Variants in RELN observed in about 807,000 individuals in gnomAD.
The protein encoded by RELN is reelin.
In RELN, 108 loss-of-function variants were observed where a neutral mutation model predicts 427.6. That is an observed-to-expected ratio of 0.25 (90% CI 0.22 to 0.30). The LOEUF (loss-of-function observed/expected upper bound fraction) is 0.30. Ranked by LOEUF, RELN falls within the 10% of genes least tolerant of loss-of-function variation. RELN has a pLI of 1.00. For missense variants in RELN, 3,715 were observed against 4,302.8 expected, an observed-to-expected ratio of 0.86 and a Z score of 3.82; for synonymous variants, 1,524 against 1,513.4, an observed-to-expected ratio of 1.01 and a Z score of -0.16.
chr7:103,878,761 C>A (rs1794541624), intron 2 of RELN, among the ~76,000 whole-genome samples: 1 of 152,182 alleles, frequency 6.6e-6, no homozygotes, highest in South Asian at 2.1e-4. Flanking sequence ...TCCTTGTCTT[C>A]AAGTAGATTC....
chr7:103,813,553 A>G (rs1430825254), intron 3 of RELN, among the ~76,000 whole-genome samples: 1 of 152,080 alleles, frequency 6.6e-6, no homozygotes, highest in African/African-American at 2.4e-5. Context: ...TAGAATATTT[A>G]TAATTTTTGT....
intron 1 of RELN, among the ~76,000 whole-genome samples, chr7:103,962,844 C>T (rs906526170): frequency 7.2e-5 from 11 of 152,092 alleles, no homozygotes; most frequent in Admixed American, 2.6e-4. Flanking sequence ...ATTAAGAAAA[C>T]TATTATGAGT....
At chr7:103,675,069 T>C (rs1385104982) in intron 11 of RELN, among the ~76,000 whole-genome samples, 2 of 152,302 alleles carry the variant, frequency 1.3e-5, no homozygotes, top group Admixed American at 1.3e-4. Context: ...ATAAAGTGTA[T>C]TCAACTAGGA....
intron 2 of RELN, among the ~76,000 whole-genome samples, chr7:103,872,782 A>T (rs559621603): frequency 4.0e-5 from 6 of 149,186 alleles, no homozygotes; most frequent in Middle Eastern, 3.4e-3. Context: ...GGTATCTCAT[A>T]GTGGTTTTGA....
rs763643417 is a variant in RELN, at chr7:103,551,056, C to T, written c.6302+11G>A. 2.2e-5 allele frequency: 36 copies of T among 1,602,894 alleles called. No individual in the cohort carries two copies. The highest frequency in any genetic ancestry group is 8.3e-5 in the Admixed American group (5 of 59,918). On this transcript the variant is annotated intron_variant, in intron 41 of 64. Transcript: ENST00000428762. ...GAGAAACAAATGTGGCGTCAAGCAG[C>T]GGGTCCTTACCCACAAAGGTGCAGC... is the stretch of plus-strand genomic sequence containing the variant.
chr7:103,708,988 T>G (rs1684842259), intron 8 of RELN, among the ~76,000 whole-genome samples: 1 of 152,146 alleles, frequency 6.6e-6, no homozygotes, highest in Non-Finnish European at 1.5e-5. Flanking sequence ...AGATTTTGTT[T>G]CACAAATTCT....
chr7:103,872,885 T>A (rs941166992), intron 2 of RELN, among the ~76,000 whole-genome samples: 6 of 151,578 alleles, frequency 4.0e-5, no homozygotes, highest in Non-Finnish European at 7.4e-5. Context: ...TCTGTTCATG[T>A]CCTTCGCCCA....
chr7:103,929,912 C>A (rs571058966), intron 1 of RELN, among the ~76,000 whole-genome samples: 1 of 152,196 alleles, frequency 6.6e-6, no homozygotes, highest in Non-Finnish European at 1.5e-5. Context: ...CAAAGTGCCA[C>A]AAGTGTTGAT....
chr7:103,538,283 A>G (rs547257701), intron 45 of RELN, among the ~76,000 whole-genome samples: 1 of 152,184 alleles, frequency 6.6e-6, no homozygotes, highest in East Asian at 1.9e-4. Flanking sequence ...TCTAAAACTG[A>G]ACGGGGACCT....
chr7:103,522,056 G>T lies in RELN; in HGVS notation c.7634C>A (p.Ala2545Asp). The part of the protein sequence containing the change: ...NGGKLSTVCG[A>D]VASGMALHFS... ...ATGGAGAGCCATTCCCGACGCCACG[G>T]CTCCACACACTGTACTCAATTTCCC... is the stretch of plus-strand genomic sequence containing the variant. Residue 2545 changes from alanine to aspartate, a missense_variant, in exon 48 of 65, where the codon GCC (alanine) becomes GAC (aspartate). Physicochemically the swap from Ala to Asp is moderately radical, Grantham distance 126. Around this residue, in one of 4 missense-constraint regions of RELN, gnomAD observed 1,310 missense variants for 1,643.0 expected, o/e 0.80. Transcript: ENST00000428762. 1 of 1,614,048 alleles carries T rather than the reference G, an allele frequency of 6.2e-7. No homozygotes were observed.
At chr7:103,724,378 G>A (rs1790152745) in intron 7 of RELN, among the ~76,000 whole-genome samples, 1 of 152,104 alleles carries the variant, frequency 6.6e-6, no homozygotes, top group Admixed American at 6.6e-5. Flanking sequence ...TGCTCTGTCG[G>A]AATTCAGTTG....
At chr7:103,951,724 G>C (rs1394120680) in intron 1 of RELN, among the ~76,000 whole-genome samples, 2 of 150,624 alleles carry the variant, frequency 1.3e-5, no homozygotes, top group Non-Finnish European at 2.9e-5. Context: ...CCAGGCTGAA[G>C]TGCAGTGGCA....
intron 5 of RELN, among the ~76,000 whole-genome samples, chr7:103,751,167 T>C (rs1227796052): frequency 1.3e-5 from 2 of 152,220 alleles, no homozygotes; most frequent in East Asian, 1.9e-4. Context: ...GTCTTGACAA[T>C]TTTGTTTGAA....
At position 103,483,732 on chromosome 7, in the gene RELN, C is replaced by T. The variant is rs753769576; in HGVS notation, c.10102G>A (p.Gly3368Arg). Residue 3368 changes from glycine to arginine, a missense_variant, in exon 62 of 65, where the codon GGG becomes AGG. By Grantham distance (125) the Gly-to-Arg change is moderately radical. Coordinates refer to ENST00000428762, the MANE Select transcript of RELN (RefSeq NM_005045.4). ...AVLLQYSVNN[G>R]ITWHVIAQHQ... is the part of the protein sequence containing the mutation. ...TGGGCGATGACATGCCAGGTGATCC[C>T]GTTGTTGACGCTGTATTGCAGCAGC... 2.7e-5 allele frequency: 44 copies of T among 1,614,014 alleles called. No individual in the cohort carries two copies. Among genetic ancestry groups the T allele is most frequent in the Middle Eastern group, 1.6e-4 (1 of 6,084 alleles).
intron 18 of RELN, among the ~76,000 whole-genome samples, chr7:103,635,835 T>C (rs1221619392): frequency 6.6e-6 from 1 of 152,214 alleles, no homozygotes; most frequent in Admixed American, 6.5e-5. Flanking sequence ...TATGTACTTG[T>C]GTACATACAC....
chr7:103,549,563 T>C (rs1163929571), intron 41 of RELN, among the ~76,000 whole-genome samples: 1 of 152,244 alleles, frequency 6.6e-6, no homozygotes, highest in Non-Finnish European at 1.5e-5. Context: ...TCGACAGCTA[T>C]GCTTCTCTTG....
intron 3 of RELN, among the ~76,000 whole-genome samples, chr7:103,810,420 T>C (rs262377): frequency 0.95 from 144,138 of 152,280 alleles, 68,446 homozygotes; most frequent in South Asian, 1. Context: ...CGACCTAAAG[T>C]TAGGTCTAAT....
chr7:103,916,573 C>CATTCAAAT (rs1317599843), intron 2 of RELN, among the ~76,000 whole-genome samples: 1 of 152,162 alleles, frequency 6.6e-6, no homozygotes, highest in African/African-American at 2.4e-5. Flanking sequence ...GATTTAAGGA[C>CATTCAAAT]ATTCAAATAT....
At chr7:103,882,028 G>T (rs1017979107) in intron 2 of RELN, among the ~76,000 whole-genome samples, 8 of 152,158 alleles carry the variant, frequency 5.3e-5, no homozygotes, top group Non-Finnish European at 1.0e-4. Flanking sequence ...ACTAACCAAT[G>T]AATGAGCGAG....
Sources: allele counts gnomAD v4.1 joint callset (sites outside exome capture counted in the v4.1 genomes callset), GRCh38; gene constraint gnomAD v4.1.1; regional missense constraint gnomAD v4.1.1; transcripts MANE v1.5; gene names NCBI Gene and HGNC (gene_info 2026-07-23, HGNC 2026-07-21).